CEP112: variants seen among roughly 807,000 people sequenced by gnomAD.
CEP112 encodes the protein centrosomal protein of 112 kDa.
In CEP112, 127 loss-of-function variants were observed where a neutral mutation model predicts 153.0. The ratio of observed to expected loss-of-function variants is 0.83; its 90% CI spans 0.72 to 0.96. CEP112 has a LOEUF of 0.96. CEP112 is among the 40% of genes least tolerant of loss of function. CEP112 has a pLI of 0.00. For synonymous variants in CEP112, 358 were observed against 374.4 expected, an observed-to-expected ratio of 0.96 and a Z score of 0.51; for missense variants, 1,089 against 1,101.2, an observed-to-expected ratio of 0.99 and a Z score of 0.16.
chr17:65,709,382 T>C (rs2049065259), intron 23 of CEP112, among the ~76,000 whole-genome samples: 1 of 152,180 alleles, frequency 6.6e-6, no homozygotes, highest in African/African-American at 2.4e-5. Flanking sequence ...TCCACATGGC[T>C]GGGGCAGCCT....
intron 21 of CEP112, among the ~76,000 whole-genome samples, chr17:65,774,262 C>A (rs192833307): frequency 2.0e-5 from 3 of 152,180 alleles, no homozygotes; most frequent in South Asian, 4.2e-4. Context: ...TGTTTACCTG[C>A]GGTTTTGTTC....
intron 19 of CEP112, among the ~76,000 whole-genome samples, chr17:65,906,433 G>C (rs2060085670): frequency 6.6e-6 from 1 of 151,660 alleles, no homozygotes; most frequent in Non-Finnish European, 1.5e-5. Flanking sequence ...TAATAATAAA[G>C]AGTTAGAAAA....
intron 11 of CEP112, among the ~76,000 whole-genome samples, chr17:66,056,979 G>A (rs1266965899): frequency 6.6e-6 from 1 of 152,200 alleles, no homozygotes; most frequent in Non-Finnish European, 1.5e-5. Context: ...GAAGAATTGT[G>A]AGAAAAGATG....
At chr17:66,131,314 C>T (rs2070152438) in intron 5 of CEP112, among the ~76,000 whole-genome samples, 2 of 152,054 alleles carry the variant, frequency 1.3e-5, no homozygotes, top group Admixed American at 1.3e-4. Context: ...ATGTACCTGC[C>T]TTGCTTATTC....
At chr17:65,882,164 A>G (rs2059102529) in intron 20 of CEP112, among the ~76,000 whole-genome samples, 1 of 152,244 alleles carries the variant, frequency 6.6e-6, no homozygotes, top group South Asian at 2.1e-4. Context: ...TGCACTACTG[A>G]AAAACAGAAC....
intron 5 of CEP112, among the ~76,000 whole-genome samples, chr17:66,130,701 G>A (rs914566153): frequency 4.6e-5 from 7 of 151,152 alleles, no homozygotes; most frequent in Non-Finnish European, 1.0e-4. Context: ...GTGTGAACCC[G>A]GGAGGTGGAG....
At chr17:66,103,341 A>AT (rs763429705) in intron 6 of CEP112, among the ~76,000 whole-genome samples, 99 of 152,066 alleles carry the variant, frequency 6.5e-4, no homozygotes, top group Admixed American at 9.2e-4. Flanking sequence ...CCTAAACAGC[A>AT]TTTTTTTAAA....
intron 23 of CEP112, among the ~76,000 whole-genome samples, chr17:65,734,500 C>T (rs1433024653): frequency 1.3e-5 from 2 of 152,080 alleles, no homozygotes; most frequent in Non-Finnish European, 2.9e-5. Context: ...AAACATTTTA[C>T]TCATTAAAAT....
chr17:65,742,977 C>T lies in CEP112; in HGVS notation c.2607+91G>A, dbSNP rs111792319. The T allele has an allele frequency of 2.1e-4, 207 of 992,070 alleles. 1 individual carries two copies. The African/African-American group carries it at 2.9e-3, about 14-fold the overall frequency. The allele number at this position is 992,070 out of a possible 1,614,324, so 61.5% of individuals were successfully genotyped here. A position where few individuals can be genotyped will look rare whatever the true frequency, so the allele number is the denominator to read the frequency against. ...AGGCTGTGTGAACAAGCCAGATACC[C>T]GCATTCATCTGCCCACTGCTGGGAT... On this transcript the variant is annotated intron_variant, in intron 23 of 26. Transcript: ENST00000535342.
At chr17:66,083,587 G>A (rs895028879) in intron 8 of CEP112, among the ~76,000 whole-genome samples, 1 of 152,118 alleles carries the variant, frequency 6.6e-6, no homozygotes, top group African/African-American at 2.4e-5. Flanking sequence ...GGTGGCTCAC[G>A]CCTGTAATTC....
At chr17:65,961,038 A>G (rs962054331) in intron 18 of CEP112, among the ~76,000 whole-genome samples, 1 of 151,910 alleles carries the variant, frequency 6.6e-6, no homozygotes, top group African/African-American at 2.4e-5. Flanking sequence ...CATCTTATAT[A>G]AGAATTGGAG....
chr17:65,777,292 G>A (rs1454045331), intron 21 of CEP112, among the ~76,000 whole-genome samples: 1 of 152,186 alleles, frequency 6.6e-6, no homozygotes, highest in Non-Finnish European at 1.5e-5. Flanking sequence ...ACTGTGACCT[G>A]AATGTGAGAG....
intron 23 of CEP112, among the ~76,000 whole-genome samples, chr17:65,724,640 G>A (rs770573058): frequency 7.9e-5 from 12 of 151,906 alleles, no homozygotes; most frequent in African/African-American, 2.7e-4. Context: ...TACAACATAC[G>A]CATACATTCT....
At chr17:66,132,636 G>A in intron 5 of CEP112, 34 bp downstream of exon 5, 1 of 1,466,588 alleles carries the variant, frequency 6.8e-7, no homozygotes, top group Non-Finnish European at 9.6e-7. Context: ...AAAACAACAA[G>A]CAAAAACCAA....
At chr17:65,907,252 T>A (rs2060117736) in intron 19 of CEP112, among the ~76,000 whole-genome samples, 1 of 152,200 alleles carries the variant, frequency 6.6e-6, no homozygotes, top group South Asian at 2.1e-4. Flanking sequence ...TGAAGTTTCT[T>A]ATAGACTCAT....
intron 20 of CEP112, among the ~76,000 whole-genome samples, chr17:65,868,652 A>C (rs1042462014): frequency 1.3e-5 from 2 of 152,226 alleles, no homozygotes; most frequent in African/African-American, 4.8e-5. Context: ...CTGTTGTATC[A>C]GTAAAAAAGA....
chr17:66,174,077 C>T (rs1448727234), intron 4 of CEP112, among the ~76,000 whole-genome samples: 1 of 152,030 alleles, frequency 6.6e-6, no homozygotes, highest in South Asian at 2.1e-4. Context: ...TACAGGCACC[C>T]GCCACCACGC....
intron 6 of CEP112, among the ~76,000 whole-genome samples, chr17:66,099,659 CA>C (rs1335726327): frequency 1.4e-4 from 21 of 152,096 alleles, no homozygotes; most frequent in Non-Finnish European, 5.9e-5. Context: ...ACTTCCCACA[CA>C]ATCACTGGCT....
At chr17:65,848,820 C>A (rs909013113) in intron 21 of CEP112, among the ~76,000 whole-genome samples, 6 of 152,212 alleles carry the variant, frequency 3.9e-5, no homozygotes, top group Non-Finnish European at 8.8e-5. Flanking sequence ...TCAGTGCTAT[C>A]TCTATGATGA....
Sources: allele counts gnomAD v4.1 joint callset (sites outside exome capture counted in the v4.1 genomes callset), GRCh38; gene constraint gnomAD v4.1.1; transcripts MANE v1.5; gene names NCBI Gene and HGNC (gene_info 2026-07-23, HGNC 2026-07-21).